The following CAPN8 variants were observed in gnomAD, a reference collection of about 807,000 sequenced individuals.
CAPN8 encodes the protein calpain-8.
A neutral mutation model predicts 80.9 loss-of-function variants in CAPN8; 87 were observed. That is an observed-to-expected ratio of 1.07 (90% CI 0.90 to 1.28). CAPN8 has a LOEUF of 1.28. Ranked by LOEUF, CAPN8 falls within the 50% of genes most tolerant of loss-of-function variation. CAPN8 has a pLI of 0.00. For missense variants in CAPN8, 757 were observed against 702.0 expected (o/e 1.08, Z -0.89); for synonymous variants, 299 against 273.8 (o/e 1.09, Z -0.91).
intron 20 of CAPN8, among the ~76,000 whole-genome samples, chr1:223,542,410 C>G (rs572369002): frequency 3.3e-5 from 5 of 152,228 alleles, no homozygotes; most frequent in African/African-American, 9.6e-5. Flanking sequence ...TCTAGGAAGG[C>G]CTTTCCTGGG....
intron 14 of CAPN8, among the ~76,000 whole-genome samples, chr1:223,552,972 T>C (rs1367532921): frequency 6.6e-6 from 1 of 152,196 alleles, no homozygotes; most frequent in Non-Finnish European, 1.5e-5. Flanking sequence ...AGGGTTTTAT[T>C]CAATGGCTAT....
Position 223,646,799 on chromosome 1 carries a change from G to C in CAPN8, c.307+7531C>G, listed in dbSNP as rs74145965. Among the ~76,000 whole-genome samples the C allele has an allele frequency of 4.3e-3, 657 of 152,368 alleles. 9 individuals carry two copies. Among genetic ancestry groups the C allele is most frequent in the African/African-American group, 0.014 (599 of 41,586 alleles). On this transcript the variant is annotated intron_variant, in intron 2 of 20. Coordinates refer to ENST00000366872, the MANE Select transcript of CAPN8 (RefSeq NM_001143962.2). ...GTCTGCAAAACTGAAGCCACAGGCA[G>C]AGAGCAGAGCTGGTAGGTGTGAAGT...
intron 2 of CAPN8, among the ~76,000 whole-genome samples, chr1:223,645,933 G>A (rs962036113): frequency 1.8e-4 from 28 of 152,258 alleles, no homozygotes; most frequent in African/African-American, 6.7e-4. Flanking sequence ...GCAGGTTTGG[G>A]GCAAGGTATG....
At chr1:223,632,941 T>A (rs1215980558) in intron 2 of CAPN8, among the ~76,000 whole-genome samples, 1 of 152,186 alleles carries the variant, frequency 6.6e-6, no homozygotes, top group Non-Finnish European at 1.5e-5. Flanking sequence ...TTCCTCCTTC[T>A]TCCCATCTGG....
intron 2 of CAPN8, among the ~76,000 whole-genome samples, chr1:223,632,802 C>T (rs1189982701): frequency 1.3e-5 from 2 of 152,218 alleles, no homozygotes; most frequent in African/African-American, 2.4e-5. Context: ...CGAGCTAGGG[C>T]TGCTCAGGAG....
At chr1:223,610,635 G>A (rs1191310088) in intron 11 of CAPN8, among the ~76,000 whole-genome samples, 3 of 152,164 alleles carry the variant, frequency 2.0e-5, no homozygotes, top group African/African-American at 7.2e-5. Flanking sequence ...CAAGAATCCA[G>A]GGGTGGAGCA....
chr1:223,652,827 G>A (rs999364524), intron 2 of CAPN8, among the ~76,000 whole-genome samples: 8 of 152,090 alleles, frequency 5.3e-5, no homozygotes, highest in South Asian at 2.1e-4. Flanking sequence ...TTGTTCTGAT[G>A]TGAGCTGGAT....
chr1:223,635,012 G>A (rs1435489850), intron 2 of CAPN8, among the ~76,000 whole-genome samples: 2 of 152,186 alleles, frequency 1.3e-5, no homozygotes, highest in Non-Finnish European at 2.9e-5. Flanking sequence ...TGGAAACTGG[G>A]GCTCCTCAGC....
intron 2 of CAPN8, among the ~76,000 whole-genome samples, chr1:223,634,390 T>A (rs185927279): frequency 5.0e-4 from 76 of 152,166 alleles, no homozygotes; most frequent in African/African-American, 1.8e-3. Flanking sequence ...GACCCATAAG[T>A]CAGCACTAGG....
At chr1:223,555,830 C>T (rs1053783010) in intron 13 of CAPN8, among the ~76,000 whole-genome samples, 2 of 152,152 alleles carry the variant, frequency 1.3e-5, no homozygotes, top group Non-Finnish European at 2.9e-5. Context: ...TGTGGTACTT[C>T]ACAATTTGTC....
chr1:223,641,338 A>C (rs2102725037), intron 2 of CAPN8, among the ~76,000 whole-genome samples: 1 of 148,848 alleles, frequency 6.7e-6, no homozygotes, highest in Non-Finnish European at 1.5e-5. Flanking sequence ...ATTATCTTTC[A>C]AAGTAAGATA....
In CAPN8 at chr1:223,665,509, A is replaced by T. The variant is rs1275208374; in HGVS notation, c.138T>A (p.Phe46Leu). 6.4e-7 allele frequency: 1 copy of T among 1,551,726 alleles called. No individual in the cohort carries two copies. Among genetic ancestry groups the T allele is most frequent in the Non-Finnish European group, 8.7e-7 (1 of 1,146,970 alleles). The change falls in exon 1 of 21, where the codon TTT becomes TTA. Residue 46 changes from phenylalanine (F) to leucine (L), a missense_variant. By Grantham distance (22) the Phe-to-Leu change is conservative. Coordinates refer to ENST00000366872, the MANE Select transcript of CAPN8 (RefSeq NM_001143962.2). Reference sequence around the variant, plus strand: ...GACATGCTGGGAACTCAGGGTCCTTAAATAGGACCCCTGAGTCCAAGCACT... The same window carrying T: ...GACATGCTGGGAACTCAGGGTCCTTTAATAGGACCCCTGAGTCCAAGCACT... ...RQQCLDSGVLFKDPEFPACPS... is the reference protein window; with the variant it reads ...RQQCLDSGVLLKDPEFPACPS...
At chr1:223,647,437 A>G (rs1318634629) in intron 2 of CAPN8, among the ~76,000 whole-genome samples, 1 of 152,206 alleles carries the variant, frequency 6.6e-6, no homozygotes, top group Non-Finnish European at 1.5e-5. Flanking sequence ...TTCTTTTCAC[A>G]TGTAAAATGT....
intron 6 of CAPN8, among the ~76,000 whole-genome samples, 172 bp from the exon 7 acceptor site, chr1:223,623,072 T>C (rs898601941): frequency 5.9e-5 from 9 of 152,256 alleles, no homozygotes; most frequent in African/African-American, 2.2e-4. Flanking sequence ...TTTCATAATT[T>C]GTTTGAATAA....
intron 1 of CAPN8, 37 bp downstream of exon 1, chr1:223,665,373 C>A: frequency 1.3e-6 from 2 of 1,517,186 alleles, no homozygotes; most frequent in Non-Finnish European, 9.0e-7. Context: ...GGCCCCTCCA[C>A]CTTGTATGTC....
intron 1 of CAPN8, among the ~76,000 whole-genome samples, chr1:223,659,223 G>A (rs1658575337): frequency 6.6e-6 from 1 of 152,148 alleles, no homozygotes; most frequent in South Asian, 2.1e-4. Context: ...TGGCTGTTTG[G>A]CCACACTGCT....
At chr1:223,555,247 AATGTTATGTAACAGGCCAAGATCACAC>A (rs1656877775) in intron 13 of CAPN8, among the ~76,000 whole-genome samples, 1 of 152,200 alleles carries the variant, frequency 6.6e-6, no homozygotes, top group Non-Finnish European at 1.5e-5. Flanking sequence ...CTTCATTTTA[AATGTTATGTAACAGGCCAAGATCACAC>A]AGCTAGTAAA....
intron 16 of CAPN8, 116 bp downstream of exon 16, chr1:223,549,202 C>G: frequency 4.9e-4 from 608 of 1,244,038 alleles, no homozygotes; most frequent in Non-Finnish European, 6.1e-4. Context: ...TCCATGCCTG[C>G]TCTCTCCCCT....
At chr1:223,549,431 T>C in intron 15 of CAPN8, 49 bp from the exon 16 acceptor site, 3 of 1,550,738 alleles carry the variant, frequency 1.9e-6, no homozygotes, top group East Asian at 2.4e-5. Context: ...CATTTGAAGG[T>C]GAGGGAAAGA....
Sources: allele counts gnomAD v4.1 joint callset (sites outside exome capture counted in the v4.1 genomes callset), GRCh38; gene constraint gnomAD v4.1.1; transcripts MANE v1.5; gene names NCBI Gene and HGNC (gene_info 2026-07-23, HGNC 2026-07-21).